The following SYNPR variants were observed in gnomAD, a reference collection of about 807,000 sequenced individuals.
The protein encoded by SYNPR is synaptoporin.
SYNPR carries 23 observed loss-of-function variants against 32.9 expected under a neutral mutation model. The ratio of observed to expected loss-of-function variants is 0.70; its 90% CI spans 0.50 to 0.99. The LOEUF (loss-of-function observed/expected upper bound fraction) is 0.99. SYNPR is among the 50% of genes least tolerant of loss of function. The pLI, the probability that SYNPR is intolerant of heterozygous loss-of-function variation, is 0.00. For missense variants in SYNPR, 318 were observed against 349.3 expected (o/e 0.91, Z 0.71); for synonymous variants, 146 against 135.9 (o/e 1.07, Z -0.52).
At chr3:63,325,639 C>T (rs1286410033) in intron 2 of SYNPR, among the ~76,000 whole-genome samples, 1 of 152,124 alleles carries the variant, frequency 6.6e-6, no homozygotes, top group Non-Finnish European at 1.5e-5. Flanking sequence ...CAGATTTCAA[C>T]ACACTCCAAA....
intron 3 of SYNPR, among the ~76,000 whole-genome samples, chr3:63,486,859 T>A (rs1010144669): frequency 7.2e-5 from 11 of 151,940 alleles, no homozygotes; most frequent in Admixed American, 7.2e-4. Context: ...ATATGGGAGG[T>A]TTTTCCCAGT....
At chr3:63,237,178 TG>T (rs1438011796) in intron 1 of SYNPR, among the ~76,000 whole-genome samples, 1 of 152,178 alleles carries the variant, frequency 6.6e-6, no homozygotes, top group Non-Finnish European at 1.5e-5. Context: ...GATATGGCAA[TG>T]TTGTATATAC....
intron 3 of SYNPR, among the ~76,000 whole-genome samples, chr3:63,486,628 T>C (rs1701159987): frequency 6.6e-6 from 1 of 152,180 alleles, no homozygotes; most frequent in Non-Finnish European, 1.5e-5. Context: ...TTACCATCTT[T>C]AAAGAAGATA....
At chr3:63,437,182 T>A (rs1700100024) in intron 2 of SYNPR, among the ~76,000 whole-genome samples, 1 of 152,152 alleles carries the variant, frequency 6.6e-6, no homozygotes, top group African/African-American at 2.4e-5. Flanking sequence ...GCCCGTTTTC[T>A]TTCTAAAACA....
intron 2 of SYNPR, among the ~76,000 whole-genome samples, chr3:63,286,640 G>T (rs893155508): frequency 6.6e-6 from 1 of 152,206 alleles, no homozygotes; most frequent in Admixed American, 6.5e-5. Context: ...AAATCTCTAA[G>T]GAGTATGTGC....
intron 2 of SYNPR, among the ~76,000 whole-genome samples, chr3:63,473,225 C>T (rs1575662552): frequency 6.6e-6 from 1 of 152,142 alleles, no homozygotes; most frequent in Non-Finnish European, 1.5e-5. Context: ...TTCCTCCAGA[C>T]AGCTATGTCC....
intron 2 of SYNPR, among the ~76,000 whole-genome samples, chr3:63,382,653 C>T (rs892255465): frequency 1.2e-4 from 18 of 152,198 alleles, no homozygotes; most frequent in African/African-American, 4.3e-4. Flanking sequence ...ACCACTGTGT[C>T]TATTCATCGG....
At chr3:63,478,515 C>G (rs7612834) in intron 2 of SYNPR, among the ~76,000 whole-genome samples, 4,946 of 152,258 alleles carry the variant, frequency 0.032, 271 homozygotes, top group African/African-American at 0.11. Flanking sequence ...ATGTTACATG[C>G]TGGACACAAT....
intron 2 of SYNPR, among the ~76,000 whole-genome samples, chr3:63,258,181 G>T (rs1017331184): frequency 2.0e-5 from 3 of 152,100 alleles, no homozygotes; most frequent in African/African-American, 7.2e-5. Flanking sequence ...AAGTTAACAA[G>T]GATATCCAGG....
At chr3:63,397,119 A>T (rs1035460838) in intron 2 of SYNPR, among the ~76,000 whole-genome samples, 10 of 152,064 alleles carry the variant, frequency 6.6e-5, no homozygotes, top group African/African-American at 2.4e-4. Context: ...AAAAAAAAAA[A>T]AAAAAATTCA....
intron 2 of SYNPR, among the ~76,000 whole-genome samples, chr3:63,287,526 C>T (rs1364440162): frequency 6.6e-6 from 1 of 152,222 alleles, no homozygotes; most frequent in African/African-American, 2.4e-5. Context: ...GTTGGTCCTG[C>T]TCATCAGCGC....
At position 63,555,555 on chromosome 3, in the gene SYNPR, T is replaced by C. The variant is rs971713801; in HGVS notation, c.210-988T>C. 2.6e-5 allele frequency among the ~76,000 whole-genome samples: 4 copies of C among 152,148 alleles called. No homozygotes were observed. In the East Asian group the frequency reaches 7.7e-4, roughly 29 times the overall value. ...GTGTTACTTACTGAGCTGAAAGTATTGCCCAAAGCATCTTATTTTGTCTGT... is the reference window on the plus strand; with the variant it reads ...GTGTTACTTACTGAGCTGAAAGTATCGCCCAAAGCATCTTATTTTGTCTGT... On this transcript the variant is annotated intron_variant, in intron 3 of 5. Coordinates refer to ENST00000478300, the MANE Select transcript of SYNPR (RefSeq NM_001130003.2).
At chr3:63,250,862 A>C (rs2086325460) in intron 1 of SYNPR, among the ~76,000 whole-genome samples, 2 of 152,116 alleles carry the variant, frequency 1.3e-5, no homozygotes, top group African/African-American at 4.8e-5. Context: ...GATCCATCCT[A>C]TGGACCCATT....
intron 3 of SYNPR, among the ~76,000 whole-genome samples, chr3:63,528,806 T>G (rs1505592): frequency 0.38 from 58,362 of 151,696 alleles, 11,441 homozygotes; most frequent in African/African-American, 0.47. Context: ...CAGAGAGAGG[T>G]CTGCCCAGAG....
At chr3:63,308,249 T>C (rs1053931580) in intron 2 of SYNPR, among the ~76,000 whole-genome samples, 3 of 152,054 alleles carry the variant, frequency 2.0e-5, no homozygotes, top group South Asian at 2.1e-4. Context: ...GAAATATATC[T>C]AATTAATGGT....
chr3:63,261,226 A>C (rs1248463180), intron 2 of SYNPR, among the ~76,000 whole-genome samples: 1 of 152,206 alleles, frequency 6.6e-6, no homozygotes, highest in Non-Finnish European at 1.5e-5. Flanking sequence ...GTATATACCC[A>C]AAGGACTATA....
chr3:63,424,695 G>A (rs1699861504), intron 2 of SYNPR, among the ~76,000 whole-genome samples: 1 of 152,118 alleles, frequency 6.6e-6, no homozygotes, highest in African/African-American at 2.4e-5. Flanking sequence ...ACACCAAAAT[G>A]TACACAATAT....
chr3:63,274,007 CATGCT>C (rs1170688467), upstream of SYNPR, among the ~76,000 whole-genome samples: 2 of 152,178 alleles, frequency 1.3e-5, no homozygotes, highest in East Asian at 3.8e-4. Flanking sequence ...AACGCACAGG[CATGCT>C]ATTGGCCTTT....
At chr3:63,485,681 T>G (rs775874887) in intron 3 of SYNPR, among the ~76,000 whole-genome samples, 2 of 152,192 alleles carry the variant, frequency 1.3e-5, no homozygotes, top group African/African-American at 4.8e-5. Flanking sequence ...GTTAATGACC[T>G]TCTAATAGAG....
Sources: allele counts gnomAD v4.1 joint callset (sites outside exome capture counted in the v4.1 genomes callset), GRCh38; gene constraint gnomAD v4.1.1; transcripts MANE v1.5; gene names NCBI Gene and HGNC (gene_info 2026-07-23, HGNC 2026-07-21).